Variants in GPSM1 observed in about 807,000 individuals in gnomAD.
GPSM1 encodes the protein G protein signaling modulator 1.
A neutral mutation model predicts 70.5 loss-of-function variants in GPSM1; 48 were observed. The observed-to-expected ratio is 0.68, with a 90% CI of 0.54 to 0.87. The LOEUF (loss-of-function observed/expected upper bound fraction) is 0.87, where lower values mean the gene tolerates loss of function less well. GPSM1 is among the 40% of genes least tolerant of loss of function. The pLI is 0.00. For missense variants in GPSM1, 981 were observed against 972.6 expected (o/e 1.01, Z -0.11); for synonymous variants, 416 against 430.1 (o/e 0.97, Z 0.41).
intron 9 of GPSM1, among the ~76,000 whole-genome samples, chr9:136,347,282 C>T (rs1022375269): frequency 8.1e-4 from 124 of 152,158 alleles, no homozygotes; most frequent in Non-Finnish European, 1.9e-4. Flanking sequence ...TCTCAGAGTG[C>T]CCACTGATGC....
chr9:136,338,010 G>A, intron 6 of GPSM1, 49 bp downstream of exon 6: 2 of 1,254,204 alleles, frequency 1.6e-6, no homozygotes, highest in Non-Finnish European at 2.3e-6. Flanking sequence ...CGGGGGGGCT[G>A]GATGCCAGGC....
At chr9:136,354,263 C>T (rs1378335721) in intron 11 of GPSM1, among the ~76,000 whole-genome samples, 1 of 152,220 alleles carries the variant, frequency 6.6e-6, no homozygotes, top group African/African-American at 2.4e-5. Context: ...GTAGGTCACA[C>T]ATGTCTCTAG....
At chr9:136,348,233 C>T (rs1416201333) in intron 9 of GPSM1, among the ~76,000 whole-genome samples, 1 of 152,196 alleles carries the variant, frequency 6.6e-6, no homozygotes, top group Non-Finnish European at 1.5e-5. Flanking sequence ...CTGGGCTGCC[C>T]GCAGTGAGCT....
intron 11 of GPSM1, among the ~76,000 whole-genome samples, chr9:136,352,110 AATGCTGCGCC>A (rs1832681100): frequency 1.5e-5 from 2 of 129,180 alleles, no homozygotes; most frequent in East Asian, 2.4e-4. Context: ...TGGTGACACC[AATGCTGCGCC>A]GTTGCTGTTG....
intron 1 of GPSM1, among the ~76,000 whole-genome samples, chr9:136,331,020 T>C (rs975569868): frequency 3.9e-5 from 6 of 152,224 alleles, no homozygotes; most frequent in Admixed American, 1.3e-4. Flanking sequence ...GTCCTTGGAT[T>C]CCTGCCTCTG....
chr9:136,357,333 G>A (rs1554773385), intron 13 of GPSM1, among the ~76,000 whole-genome samples: 1 of 152,196 alleles, frequency 6.6e-6, no homozygotes, highest in Non-Finnish European at 1.5e-5. Flanking sequence ...CCCCACAGCA[G>A]AGAGGAAACC....
At position 136,336,863 on chromosome 9, in the gene GPSM1, C is replaced by T. The variant is rs183654789; in HGVS notation, c.427-58C>T. On this transcript the variant is annotated intron_variant, in intron 3 of 13. Coordinates refer to ENST00000440944, the MANE Select transcript of GPSM1 (RefSeq NM_001145638.3). Reference sequence around the variant, plus strand: ...CAGTGAGGACACCGGTGTGCCGGCTCTGCACATCGTGTGGGGGGCCGTGGA... The same window carrying T: ...CAGTGAGGACACCGGTGTGCCGGCTTTGCACATCGTGTGGGGGGCCGTGGA... 3.0e-4 allele frequency: 445 copies of T among 1,503,048 alleles called. 1 individual carries two copies. The East Asian group carries it at 9.8e-3, about 33-fold the overall frequency. 93.1% of individuals were successfully genotyped at this position (1,503,048 alleles called of 1,614,324 possible). A position where few individuals can be genotyped will look rare whatever the true frequency, so the allele number is the denominator to read the frequency against.
intron 10 of GPSM1, 64 bp from the exon 11 acceptor site, chr9:136,349,523 G>A: frequency 7.0e-7 from 1 of 1,421,476 alleles, no homozygotes; most frequent in Non-Finnish European, 9.5e-7. Context: ...TTCCCTTCAG[G>A]GTCCTGGGAT....
At chr9:136,330,755 G>A (rs78405119) in intron 1 of GPSM1, among the ~76,000 whole-genome samples, 3,010 of 152,270 alleles carry the variant, frequency 0.02, 102 homozygotes, top group African/African-American at 0.068. Flanking sequence ...CACGGCTTTC[G>A]GGTGGCCGGA....
Position 136,334,650 on chromosome 9 carries a change from A to G in GPSM1, c.272A>G (p.His91Arg), listed in dbSNP as rs782582578. 1.2e-6 allele frequency: 2 copies of G among 1,611,764 alleles called. No homozygotes were observed. Among genetic ancestry groups the G allele is most frequent in the Non-Finnish European group, 1.7e-6 (2 of 1,179,732 alleles). ...GGCCGGGCGCTGGAATACCACAAGC[A>G]TGACCTCCTGCTGGCGCGGTGAGTG... ...EHGRALEYHK[H>R]DLLLARTIGD... The change falls in exon 2 of 14, where the codon CAT (histidine) becomes CGT (arginine). Residue 91 changes from histidine (H) to arginine (R), a missense_variant. Coordinates refer to ENST00000440944, the MANE Select transcript of GPSM1 (RefSeq NM_001145638.3).
chr9:136,339,080 AGGCCTGTGG>A (rs1832323712), intron 7 of GPSM1, among the ~76,000 whole-genome samples: 1 of 152,228 alleles, frequency 6.6e-6, no homozygotes, highest in Non-Finnish European at 1.5e-5. Flanking sequence ...TCAGAGCCAC[AGGCCTGTGG>A]CCTTTCACAG....
intron 1 of GPSM1, among the ~76,000 whole-genome samples, chr9:136,329,803 G>A (rs1428018268): frequency 2.0e-5 from 3 of 151,800 alleles, no homozygotes; most frequent in Non-Finnish European, 4.4e-5. Context: ...GGGTCGGTGG[G>A]GACGGGCCCC....
At chr9:136,356,303 C>G in intron 12 of GPSM1, 39 bp from the exon 13 acceptor site, 1 of 1,445,548 alleles carries the variant, frequency 6.9e-7, no homozygotes, top group Non-Finnish European at 9.3e-7. Flanking sequence ...GGCTTGACCC[C>G]GCACTGGGTC....
chr9:136,349,718 C>G lies in GPSM1; in HGVS notation c.1410C>G (p.His470Gln). The stretch of plus-strand genomic sequence containing the variant: ...AGAGGAGGCCCCGGGAGGGCAGCCA[C>G]TCCCCGCTGGACAGCGCCGACGTCC... ...DAERRPREGS[H>Q]SPLDSADVRV... is the part of the protein sequence containing the mutation. Residue 470 changes from histidine to glutamine, a missense_variant, in exon 11 of 14, where the codon CAC becomes CAG. His to Gln is a conservative substitution (Grantham distance 24). Coordinates refer to ENST00000440944, the MANE Select transcript of GPSM1 (RefSeq NM_001145638.3). 1 of 1,576,028 alleles carries G rather than the reference C, an allele frequency of 6.3e-7. No individual in the cohort carries two copies. The highest frequency in any genetic ancestry group is 8.6e-7 in the Non-Finnish European group (1 of 1,161,906).
chr9:136,356,672 G>A (rs1832838699), intron 13 of GPSM1, 122 bp downstream of exon 13: 3 of 692,670 alleles, frequency 4.3e-6, no homozygotes, highest in South Asian at 1.9e-5. Context: ...CATGTTTGAG[G>A]GACTCCTGGG....
Position 136,341,627 on chromosome 9 carries a change from G to T in GPSM1, c.1207+634G>T, listed in dbSNP as rs567879396. ...GGCAGGTGGGTGAGGGGCAGGCTTGGGGGGAGCAGCTGCCCCACCCATGTG... is the reference window on the plus strand; with the variant it reads ...GGCAGGTGGGTGAGGGGCAGGCTTGTGGGGAGCAGCTGCCCCACCCATGTG... On this transcript the variant is annotated intron_variant, in intron 9 of 13. Coordinates refer to ENST00000440944, the MANE Select transcript of GPSM1 (RefSeq NM_001145638.3). The surrounding 1 kb of genome is among the most constrained non-coding windows in gnomAD (Gnocchi z 6.7). The T allele has an allele frequency of 5.9e-6, 6 of 1,008,810 alleles. No individual in the cohort carries two copies. Among genetic ancestry groups the T allele is most frequent in the East Asian group, 1.1e-4 (1 of 9,286 alleles). 62.5% of individuals were successfully genotyped at this position (1,008,810 alleles called of 1,614,324 possible).
At chr9:136,348,326 CAG>C (rs1456123786) in intron 9 of GPSM1, among the ~76,000 whole-genome samples, 1 of 152,140 alleles carries the variant, frequency 6.6e-6, no homozygotes, top group African/African-American at 2.4e-5. Flanking sequence ...GGTGGCCTCA[CAG>C]AGGTGACCAG....
chr9:136,334,770 G>A (rs1246350494), intron 2 of GPSM1, 102 bp downstream of exon 2: 34 of 936,534 alleles, frequency 3.6e-5, no homozygotes, highest in African/African-American at 7.6e-5. Context: ...CCCTGCTGGC[G>A]CGGTGAGTGG....
At chr9:136,335,538 A>G (rs1832212117) in intron 2 of GPSM1, among the ~76,000 whole-genome samples, 1 of 152,082 alleles carries the variant, frequency 6.6e-6, no homozygotes. Flanking sequence ...GCTCCTCAGC[A>G]CCCAGCTCAG....
Sources: gnomAD v4.1 joint callset for allele counts (sites outside exome capture counted in the v4.1 genomes callset) on GRCh38, gnomAD v4.1.1 for gene constraint, Gnocchi (gnomAD v3.1) non-coding constraint, MANE v1.5 for transcripts, NCBI Gene and HGNC (gene_info 2026-07-23, HGNC 2026-07-21) for gene names.